The following ANGPTL4 variants were observed in gnomAD, a reference collection of about 807,000 sequenced individuals.
The protein encoded by ANGPTL4 is angiopoietin-related protein 4.
Under a neutral mutation model 39.2 loss-of-function variants are expected in ANGPTL4, and 39 were observed. That is an observed-to-expected ratio of 1.00 (90% confidence interval 0.77 to 1.30). The LOEUF is 1.30. Ranked by LOEUF, ANGPTL4 falls within the 50% of genes most tolerant of loss-of-function variation. The pLI, the probability that ANGPTL4 is intolerant of heterozygous loss-of-function variation, is 0.00. For synonymous variants in ANGPTL4, 233 were observed against 229.5 expected, an observed-to-expected ratio of 1.02 and a Z score of -0.14; for missense variants, 545 against 549.8, an observed-to-expected ratio of 0.99 and a Z score of 0.09.
chr19:8,371,222 G>A lies in ANGPTL4; in HGVS notation c.758-19G>A. 6.2e-7 allele frequency: 1 copy of A among 1,614,134 alleles called. No individual in the cohort carries two copies. The highest frequency in any genetic ancestry group is 1.1e-5 in the South Asian group (1 of 91,084). ...CTCAGAAGTGGCCCTGCCTCATGGAGTGGCCTCTCCCACTCCAGGCGAGTT... is the reference window on the plus strand; with the variant it reads ...CTCAGAAGTGGCCCTGCCTCATGGAATGGCCTCTCCCACTCCAGGCGAGTT... On this transcript the variant is annotated intron_variant, in intron 5 of 6. Coordinates refer to ENST00000301455, the MANE Select transcript of ANGPTL4 (RefSeq NM_139314.3). The surrounding 1 kb of genome is among the most constrained non-coding windows in gnomAD (Gnocchi z 5.1).
At chr19:8,373,440 AGG>A (rs1971164843) in intron 6 of ANGPTL4, among the ~76,000 whole-genome samples, 1 of 150,346 alleles carries the variant, frequency 6.7e-6, no homozygotes, top group Admixed American at 6.6e-5. Context: ...GTGTGGTGGC[AGG>A]CGCCTGTAAT....
chr19:8,369,358 C>A, intron 4 of ANGPTL4, 26 bp downstream of exon 4: 1 of 1,550,202 alleles, frequency 6.5e-7, no homozygotes, highest in Non-Finnish European at 8.9e-7. Flanking sequence ...CCACCAGGGG[C>A]CCCTCTCCCC....
chr19:8,364,862 T>TACACACAC (rs34409703), intron 1 of ANGPTL4, among the ~76,000 whole-genome samples: 29 of 149,064 alleles, frequency 1.9e-4, no homozygotes, highest in African/African-American at 5.4e-4. Flanking sequence ...CCGTCTCTTC[T>TACACACAC]ACACACACAC....
At position 8,371,039 on chromosome 19, in the gene ANGPTL4, T is replaced by C. The variant is rs569456219; in HGVS notation, c.662-17T>C. The C allele has an allele frequency of 8.3e-6, 13 of 1,573,224 alleles. No individual in the cohort carries two copies. The South Asian group carries it at 9.3e-5, about 11-fold the overall frequency. ...GTGAAGAGGGACTTCCTGGTGACCT[T>C]GTACCTTTCTGGGCAGATGGAGGCT... On this transcript the variant is annotated splice_polypyrimidine_tract_variant and intron_variant, in intron 4 of 6. Coordinates refer to ENST00000301455, the MANE Select transcript of ANGPTL4 (RefSeq NM_139314.3). The surrounding 1 kb of genome is among the most constrained non-coding windows in gnomAD (Gnocchi z 5.1).
At chr19:8,373,679 T>C in intron 6 of ANGPTL4, 26 bp from the exon 7 acceptor site, 8 of 1,613,502 alleles carry the variant, frequency 5.0e-6, no homozygotes, top group Non-Finnish European at 6.8e-6. Flanking sequence ...GACCTGACCA[T>C]GTTCCCTCTC....
chr19:8,366,011 C>G lies in ANGPTL4; in HGVS notation c.376C>G (p.Gln126Glu). Residue 126 changes from glutamine to glutamate, a missense_variant, in exon 2 of 7, where the codon CAG becomes GAG. By Grantham distance (29) the Gln-to-Glu change is conservative (BLOSUM62 2). Transcript: ENST00000301455. The stretch of plus-strand genomic sequence containing the variant: ...GCAACTCTTCCACAAGGTGGCCCAG[C>G]AGCAGCGGCACCTGGAGAAGCAGCA... ...IQQLFHKVAQQQRHLEKQHLR... is the reference protein window; with the variant it reads ...IQQLFHKVAQEQRHLEKQHLR... 6.2e-7 allele frequency: 1 copy of G among 1,614,154 alleles called. No individual in the cohort carries two copies. The highest frequency in any genetic ancestry group is 8.5e-7 in the Non-Finnish European group (1 of 1,180,030).
At position 8,371,053 on chromosome 19, in the gene ANGPTL4, C is replaced by A. The variant is rs764349572; in HGVS notation, c.662-3C>A. 3.2e-6 allele frequency: 5 copies of A among 1,586,258 alleles called. No individual in the cohort carries two copies. The highest frequency in any genetic ancestry group is 3.4e-6 in the Non-Finnish European group (4 of 1,165,922). On this transcript the variant is annotated splice_region_variant and splice_polypyrimidine_tract_variant and intron_variant, in intron 4 of 6. Coordinates refer to ENST00000301455, the MANE Select transcript of ANGPTL4 (RefSeq NM_139314.3). This position sits in a 1 kb window ranked among gnomAD's most constrained non-coding sequence, Gnocchi z 5.1. The stretch of plus-strand genomic sequence containing the variant: ...CCTGGTGACCTTGTACCTTTCTGGG[C>A]AGATGGAGGCTGGACAGTAATTCAG...
rs1392516570 is a variant in ANGPTL4, at chr19:8,371,007, G to A, written c.662-49G>A. On this transcript the variant is annotated intron_variant, in intron 4 of 6. Transcript: ENST00000301455. The surrounding 1 kb of genome is among the most constrained non-coding windows in gnomAD (Gnocchi z 5.1). ...CTTGGCAGCCAGATGAGGGAGTGGG[G>A]TCGTCTGTGAAGAGGGACTTCCTGG... The A allele has an allele frequency of 3.9e-6, 6 of 1,549,032 alleles. No homozygotes were observed. The Admixed American group carries it at 1.2e-4, about 30-fold the overall frequency.
intron 6 of ANGPTL4, among the ~76,000 whole-genome samples, chr19:8,372,088 C>T (rs566359636): frequency 6.6e-6 from 1 of 151,208 alleles, no homozygotes; most frequent in Non-Finnish European, 1.5e-5. Flanking sequence ...CAGAGTCCCG[C>T]TGTGTCTCCC....
Position 8,373,912 on chromosome 19 carries a change from C to T in ANGPTL4, c.*26C>T. On this transcript the variant is annotated 3_prime_UTR_variant, in exon 7 of 7. Coordinates refer to ENST00000301455, the MANE Select transcript of ANGPTL4 (RefSeq NM_139314.3). The stretch of plus-strand genomic sequence containing the variant: ...CGTCCTGGCTGGGCCTGGTCCCAGG[C>T]CCACGAAAGACGGTGACTCTTGGCT... The T allele has an allele frequency of 6.2e-7, 1 of 1,610,044 alleles. No homozygotes were observed. The highest frequency in any genetic ancestry group is 8.5e-7 in the Non-Finnish European group (1 of 1,178,176).
In ANGPTL4 at chr19:8,369,204, T is replaced by C. The variant is rs771449485; in HGVS notation, c.548-15T>C. On this transcript the variant is annotated splice_polypyrimidine_tract_variant and intron_variant, in intron 3 of 6. Coordinates refer to ENST00000301455, the MANE Select transcript of ANGPTL4 (RefSeq NM_139314.3). ...CTGCCCTCCTGTTTCAAGTCTCCAC[T>C]TTATCTCCCTTCAGGGCTGCCCAGG... The C allele has an allele frequency of 6.2e-7, 1 of 1,603,920 alleles. No individual in the cohort carries two copies. Among genetic ancestry groups the C allele is most frequent in the Non-Finnish European group, 8.5e-7 (1 of 1,176,432 alleles).
Position 8,374,153 on chromosome 19 carries a change from G to C in ANGPTL4, c.*267G>C. ...ATGGAGCTTCACTCCTTGCTGGCCAGGGAGTTGGGGACTCAGAGGGACCAC... is the reference window on the plus strand; with the variant it reads ...ATGGAGCTTCACTCCTTGCTGGCCACGGAGTTGGGGACTCAGAGGGACCAC... On this transcript the variant is annotated 3_prime_UTR_variant, in exon 7 of 7. Transcript: ENST00000301455. 2.1e-6 allele frequency: 1 copy of C among 467,168 alleles called. No individual in the cohort carries two copies. Among genetic ancestry groups the C allele is most frequent in the South Asian group, 2.2e-5 (1 of 45,912 alleles). The allele number at this position is 467,168 out of a possible 1,614,324, so 28.9% of individuals were successfully genotyped here.
intron 6 of ANGPTL4, among the ~76,000 whole-genome samples, chr19:8,372,182 G>C (rs1459943948): frequency 6.6e-6 from 1 of 151,666 alleles, no homozygotes; most frequent in Non-Finnish European, 1.5e-5. Context: ...TCAGCCTCCT[G>C]AGTAGCTGGG....
chr19:8,369,369 A>G, intron 4 of ANGPTL4, 37 bp downstream of exon 4: 1 of 1,465,994 alleles, frequency 6.8e-7, no homozygotes, highest in Non-Finnish European at 9.5e-7. Context: ...CCCTCTCCCC[A>G]TAGGCCCTGT....
chr19:8,371,242 C>T lies in ANGPTL4; in HGVS notation c.759C>T (p.Gly253=), dbSNP rs138696635. 1.6e-5 allele frequency: 26 copies of T among 1,614,046 alleles called. No homozygotes were observed. In the African/African-American group the frequency reaches 1.9e-4, roughly 12 times the overall value. The change falls in exon 6 of 7, where the codon GGC becomes GGT. Residue 253 remains glycine (G), a splice_region_variant and synonymous_variant. Transcript: ENST00000301455. This position sits in a 1 kb window ranked among gnomAD's most constrained non-coding sequence, Gnocchi z 5.1. ...AYKAGFGDPH[G]EFWLGLEKVH... ...ATGGAGTGGCCTCTCCCACTCCAGG[C>T]GAGTTCTGGCTGGGTCTGGAGAAGG...
At chr19:8,368,345 G>C (rs1192663036) in intron 3 of ANGPTL4, among the ~76,000 whole-genome samples, 1 of 152,156 alleles carries the variant, frequency 6.6e-6, no homozygotes, top group East Asian at 1.9e-4. Flanking sequence ...CTATGCGCTG[G>C]GGCCTGCGTG....
At chr19:8,365,050 T>C (rs1970973355) in intron 1 of ANGPTL4, among the ~76,000 whole-genome samples, 1 of 152,026 alleles carries the variant, frequency 6.6e-6, no homozygotes, top group Non-Finnish European at 1.5e-5. Context: ...ATGCCTGTAA[T>C]CCCAGCTACT....
intron 1 of ANGPTL4, among the ~76,000 whole-genome samples, chr19:8,365,434 T>C (rs1970983241): frequency 1.3e-5 from 2 of 149,608 alleles, no homozygotes; most frequent in South Asian, 4.3e-4. Context: ...GCCGGGATCA[T>C]GCCATTGCAC....
chr19:8,364,931 C>T (rs1970970911), intron 1 of ANGPTL4, among the ~76,000 whole-genome samples: 1 of 151,876 alleles, frequency 6.6e-6, no homozygotes, highest in Non-Finnish European at 1.5e-5. Flanking sequence ...AAAAAACGAC[C>T]GGGCGCAGTG....
Sources: gnomAD v4.1 joint callset for allele counts (sites outside exome capture counted in the v4.1 genomes callset) on GRCh38, gnomAD v4.1.1 for gene constraint, Gnocchi (gnomAD v3.1) non-coding constraint, MANE v1.5 for transcripts, NCBI Gene and HGNC (gene_info 2026-07-23, HGNC 2026-07-21) for gene names.